The following IGSF21 variants were observed in gnomAD, a reference collection of about 807,000 sequenced individuals.
IGSF21 encodes immunoglobin superfamily member 21.
A neutral mutation model predicts 46.8 loss-of-function variants in IGSF21; 28 were observed. That is an observed-to-expected ratio of 0.60 (90% CI 0.44 to 0.82). The LOEUF (loss-of-function observed/expected upper bound fraction) is 0.82. Ranked by LOEUF, IGSF21 falls within the 40% of genes least tolerant of loss-of-function variation. The pLI is 0.00. For synonymous variants in IGSF21, 284 were observed against 273.6 expected, an observed-to-expected ratio of 1.04 and a Z score of -0.38; for missense variants, 624 against 665.5, an observed-to-expected ratio of 0.94 and a Z score of 0.69.
In IGSF21 at chr1:18,186,236, T is replaced by C. The variant is rs533747783; in HGVS notation, c.71-41662T>C. Among the ~76,000 whole-genome samples, 306 of 152,066 alleles carry C rather than the reference T, an allele frequency of 2.0e-3. 1 individual carries two copies. The highest frequency in any genetic ancestry group is 2.8e-3 in the Non-Finnish European group (190 of 67,984). On this transcript the variant is annotated intron_variant, in intron 1 of 9. Coordinates refer to ENST00000251296, the MANE Select transcript of IGSF21 (RefSeq NM_032880.5). ...TGGGGAGGGCAAAGCTCTTAGGGGG[T>C]TGAGCACAAAGGGACAGGGAAATTG...
At chr1:18,376,167 G>GTGAA in intron 6 of IGSF21, 143 bp from the exon 7 acceptor site, 2 of 715,568 alleles carry the variant, frequency 2.8e-6, no homozygotes, top group South Asian at 3.1e-5. Context: ...CTGTGAATGA[G>GTGAA]TGAATGAATG....
intron 3 of IGSF21, among the ~76,000 whole-genome samples, chr1:18,315,197 G>A (rs983316976): frequency 6.6e-5 from 10 of 152,102 alleles, no homozygotes; most frequent in Admixed American, 2.0e-4. Flanking sequence ...TCATTTGGCC[G>A]CATGCAGATA....
At chr1:18,338,268 C>T (rs1030953672) in intron 4 of IGSF21, among the ~76,000 whole-genome samples, 2 of 152,180 alleles carry the variant, frequency 1.3e-5, no homozygotes, top group Non-Finnish European at 2.9e-5. Flanking sequence ...TCTCTGTGAA[C>T]GTCTCCTTCA....
At chr1:18,225,186 G>A (rs2084553585) in intron 1 of IGSF21, among the ~76,000 whole-genome samples, 1 of 151,008 alleles carries the variant, frequency 6.6e-6, no homozygotes, top group Non-Finnish European at 1.5e-5. Flanking sequence ...TGCACACTCT[G>A]GGAAAAGCTG....
At chr1:18,325,450 T>C (rs893596008) in intron 3 of IGSF21, among the ~76,000 whole-genome samples, 1 of 152,096 alleles carries the variant, frequency 6.6e-6, no homozygotes, top group Non-Finnish European at 1.5e-5. Context: ...TCGAGCGGGC[T>C]TGTCTGACCA....
chr1:18,353,350 T>C (rs61760823), intron 4 of IGSF21, among the ~76,000 whole-genome samples: 14,112 of 151,324 alleles, frequency 0.093, 803 homozygotes, highest in Admixed American at 0.14. Flanking sequence ...TGGGCAGGGA[T>C]TGGAGGGAAG....
chr1:18,365,282 T>A lies in IGSF21; in HGVS notation c.600T>A (p.Ala200=). 6.2e-7 allele frequency: 1 copy of A among 1,613,720 alleles called. No individual in the cohort carries two copies. The highest frequency in any genetic ancestry group is 8.5e-7 in the Non-Finnish European group (1 of 1,179,788). ...CAGTGCCCCTATCAGAGCCACCAGC[T>A]GCGAGCTCCGGCCCCCTACAGGACA... The part of the protein sequence containing the change: ...IDAVPLSEPP[A]ASSGPLQDSR... The change falls in exon 6 of 10, where the codon GCT becomes GCA. Residue 200 remains alanine, a synonymous_variant. Transcript: ENST00000251296. The surrounding 1 kb of genome is among the most constrained non-coding windows in gnomAD (Gnocchi z 4.8).
At chr1:18,224,157 C>T (rs1268153255) in intron 1 of IGSF21, among the ~76,000 whole-genome samples, 1 of 152,140 alleles carries the variant, frequency 6.6e-6, no homozygotes, top group East Asian at 1.9e-4. Flanking sequence ...ACTGCAGGCC[C>T]CTTGCTTGTC....
chr1:18,208,837 T>C (rs2084361588), intron 1 of IGSF21, among the ~76,000 whole-genome samples: 1 of 152,168 alleles, frequency 6.6e-6, no homozygotes, highest in Non-Finnish European at 1.5e-5. Context: ...ACACATTTTT[T>C]TGAAAGCACA....
At chr1:18,171,969 A>T (rs773786716) in intron 1 of IGSF21, among the ~76,000 whole-genome samples, 1 of 152,218 alleles carries the variant, frequency 6.6e-6, no homozygotes, top group Non-Finnish European at 1.5e-5. Flanking sequence ...GAAAGGTTGA[A>T]GAGGTACCTG....
chr1:18,172,614 C>G (rs1366337085), intron 1 of IGSF21, among the ~76,000 whole-genome samples: 1 of 152,204 alleles, frequency 6.6e-6, no homozygotes, highest in Non-Finnish European at 1.5e-5. Context: ...CCTCTTCTTA[C>G]AAATCCTCCA....
intron 3 of IGSF21, among the ~76,000 whole-genome samples, chr1:18,306,647 G>A (rs952563189): frequency 6.6e-6 from 1 of 152,112 alleles, no homozygotes; most frequent in Non-Finnish European, 1.5e-5. Flanking sequence ...ACGGATAAGC[G>A]AATTCCTGAT....
chr1:18,181,428 G>A (rs1480852705), intron 1 of IGSF21, among the ~76,000 whole-genome samples: 1 of 152,136 alleles, frequency 6.6e-6, no homozygotes, highest in Non-Finnish European at 1.5e-5. Flanking sequence ...CAGCCCAAAC[G>A]CTGTGTGTGA....
In IGSF21 at chr1:18,376,355, G is replaced by C. The variant is rs1158822899; in HGVS notation, c.1061G>C (p.Arg354Pro). The C allele has an allele frequency of 6.2e-7, 1 of 1,613,984 alleles. No individual in the cohort carries two copies. The highest frequency in any genetic ancestry group is 1.1e-5 in the South Asian group (1 of 91,064). Residue 354 changes from arginine to proline, a missense_variant, in exon 7 of 10, where the codon CGG (arginine) becomes CCG (proline). Coordinates refer to ENST00000251296, the MANE Select transcript of IGSF21 (RefSeq NM_032880.5). The stretch of plus-strand genomic sequence containing the variant: ...ATTGTGATGACGCCCAGCAGAGCCC[G>C]GGTAGGGGACACAGTGAGGATTCTG... Reference protein sequence around the residue: ...PKIVMTPSRARVGDTVRILVH... With the variant: ...PKIVMTPSRAPVGDTVRILVH...
At chr1:18,158,051 A>G (rs968966896) in intron 1 of IGSF21, among the ~76,000 whole-genome samples, 1 of 152,126 alleles carries the variant, frequency 6.6e-6, no homozygotes, top group Non-Finnish European at 1.5e-5. Context: ...TATGAAGGTC[A>G]TATCTCCCCC....
At chr1:18,310,289 C>A (rs2085476680) in intron 3 of IGSF21, among the ~76,000 whole-genome samples, 1 of 152,208 alleles carries the variant, frequency 6.6e-6, no homozygotes, top group Non-Finnish European at 1.5e-5. Context: ...ACATTCTCAG[C>A]CCCTCATGAG....
chr1:18,357,739 G>A (rs538420555), intron 4 of IGSF21, among the ~76,000 whole-genome samples: 17 of 152,064 alleles, frequency 1.1e-4, no homozygotes, highest in East Asian at 1.9e-4. Context: ...GGATGGAGAC[G>A]GCTCCCTGAC....
chr1:18,209,414 C>G (rs1251051663), intron 1 of IGSF21, among the ~76,000 whole-genome samples: 1 of 151,990 alleles, frequency 6.6e-6, no homozygotes, highest in Admixed American at 6.6e-5. Context: ...CCAGGGCCTA[C>G]CCAATACCTG....
intron 2 of IGSF21, among the ~76,000 whole-genome samples, chr1:18,262,915 C>A (rs365057): frequency 6.6e-6 from 1 of 151,942 alleles, no homozygotes; most frequent in East Asian, 1.9e-4. Context: ...CACTGAATGC[C>A]GTGGGAATGG....
Sources: gnomAD v4.1 joint callset for allele counts (sites outside exome capture counted in the v4.1 genomes callset) on GRCh38, gnomAD v4.1.1 for gene constraint, Gnocchi (gnomAD v3.1) non-coding constraint, MANE v1.5 for transcripts, NCBI Gene and HGNC (gene_info 2026-07-23, HGNC 2026-07-21) for gene names.